The following PRELID2 variants were observed in gnomAD, a reference collection of about 807,000 sequenced individuals.
PRELID2 encodes PRELI domain-containing protein 2.
Under a neutral mutation model 28.4 loss-of-function variants are expected in PRELID2, and 25 were observed. That is an observed-to-expected ratio of 0.88 (90% CI 0.64 to 1.23). The LOEUF (loss-of-function observed/expected upper bound fraction) is 1.23, where lower values mean the gene tolerates loss of function less well. Among genes scored for constraint, PRELID2 ranks in the 50% most tolerant of loss-of-function variants. The probability of loss-of-function intolerance (pLI) is 0.00; values close to 1 mark genes in which losing one functional copy is unlikely to be tolerated. For missense variants in PRELID2, 201 were observed against 214.4 expected, an observed-to-expected ratio of 0.94 and a Z score of 0.39; for synonymous variants, 76 against 71.6, an observed-to-expected ratio of 1.06 and a Z score of -0.31.
rs986066486 is a variant in PRELID2 at position 145,530,214 on chromosome 5, A to C, written n.71-56899T>G. ...AGAATACATTTACAGTAGATAGAGA[A>C]CGCCATTCAATTTACTCAACAAGTA... On this transcript the variant is annotated intron_variant and non_coding_transcript_variant, in intron 1 of 2. Transcript: ENST00000510259. Among the ~76,000 whole-genome samples the C allele has an allele frequency of 4.6e-5, 7 of 152,144 alleles. 1 individual carries two copies. Among genetic ancestry groups the C allele is most frequent in the Admixed American group, 2.0e-4 (3 of 15,258 alleles).
At chr5:145,309,979 T>C in the PRELID2 span, among the ~76,000 whole-genome samples, 1 of 152,154 alleles carries the variant, frequency 6.6e-6, no homozygotes, top group Non-Finnish European at 1.5e-5. Context: ...TTAACCCCAA[T>C]GCCACAGGAA....
At chr5:145,519,848 T>A (rs2126648879) in intron 1 of PRELID2, among the ~76,000 whole-genome samples, 1 of 152,352 alleles carries the variant, frequency 6.6e-6, no homozygotes, top group Non-Finnish European at 1.5e-5. Flanking sequence ...GGTGCTAGGT[T>A]AGCCTCTGCC....
the PRELID2 span, among the ~76,000 whole-genome samples, chr5:145,357,055 G>A: frequency 6.6e-6 from 1 of 152,124 alleles, no homozygotes; most frequent in Non-Finnish European, 1.5e-5. Context: ...TAAGAATGTT[G>A]GATATAGGCC....
chr5:145,447,291 A>C, the PRELID2 span, among the ~76,000 whole-genome samples: 3 of 151,782 alleles, frequency 2.0e-5, no homozygotes, highest in Non-Finnish European at 4.4e-5. Context: ...AAGTGGTGAT[A>C]ATTCACCTGG....
chr5:145,382,432 T>C, the PRELID2 span, among the ~76,000 whole-genome samples: 67 of 152,136 alleles, frequency 4.4e-4, no homozygotes, highest in Middle Eastern at 0.014. Flanking sequence ...AAACATTTTA[T>C]AGTAAAATTT....
chr5:145,485,147 T>C (rs1221261986), intron 1 of PRELID2, among the ~76,000 whole-genome samples: 2 of 152,168 alleles, frequency 1.3e-5, no homozygotes, highest in African/African-American at 4.8e-5. Context: ...AACTAAAATA[T>C]AACAGAAAGC....
chr5:145,778,669 G>A (rs548936590), intron 5 of PRELID2, among the ~76,000 whole-genome samples: 96 of 152,334 alleles, frequency 6.3e-4, no homozygotes, highest in Admixed American at 1.9e-3. Context: ...GCAGCAGCTG[G>A]TGTGTCCAAC....
At chr5:145,372,804 G>A in the PRELID2 span, among the ~76,000 whole-genome samples, 1 of 148,060 alleles carries the variant, frequency 6.8e-6, no homozygotes, top group Non-Finnish European at 1.5e-5. Context: ...TAATTTGCCA[G>A]TCTGTACCTT....
intron 1 of PRELID2, among the ~76,000 whole-genome samples, chr5:145,610,771 C>G (rs1393343411): frequency 6.6e-6 from 1 of 151,968 alleles, no homozygotes; most frequent in Non-Finnish European, 1.5e-5. Flanking sequence ...TCAAAAGTGG[C>G]CAAATCAGAA....
At chr5:145,290,041 C>A in the PRELID2 span, among the ~76,000 whole-genome samples, 2 of 152,098 alleles carry the variant, frequency 1.3e-5, no homozygotes, top group East Asian at 3.9e-4. Context: ...AAATCAAAAC[C>A]ACAATGAGAT....
At chr5:145,707,599 G>T (rs887792883) in intron 1 of PRELID2, among the ~76,000 whole-genome samples, 1 of 152,032 alleles carries the variant, frequency 6.6e-6, no homozygotes, top group Non-Finnish European at 1.5e-5. Flanking sequence ...TCTCCTCTCT[G>T]ATTCAACTGG....
intron 1 of PRELID2, among the ~76,000 whole-genome samples, chr5:145,689,986 CTTT>C (rs749912789): frequency 6.1e-5 from 7 of 114,892 alleles, no homozygotes; most frequent in East Asian, 2.4e-4. Context: ...CTGTGGGGGT[CTTT>C]TTTTTTTTTT....
At chr5:145,370,678 G>A in the PRELID2 span, among the ~76,000 whole-genome samples, 10 of 152,080 alleles carry the variant, frequency 6.6e-5, no homozygotes, top group African/African-American at 2.4e-4. Flanking sequence ...GTAGTTTAAT[G>A]GGAATAGCAT....
the PRELID2 span, among the ~76,000 whole-genome samples, chr5:145,334,044 G>T: frequency 6.6e-6 from 1 of 152,046 alleles, no homozygotes; most frequent in African/African-American, 2.4e-5. Context: ...GAATTCCCTT[G>T]TCCTTCCTGG....
At chr5:145,683,816 G>A (rs1355342173) in intron 1 of PRELID2, among the ~76,000 whole-genome samples, 1 of 152,180 alleles carries the variant, frequency 6.6e-6, no homozygotes. Flanking sequence ...CAATCACAAA[G>A]GGGGCTGCTT....
At chr5:145,778,048 T>C (rs539132252) in intron 5 of PRELID2, among the ~76,000 whole-genome samples, 1 of 152,174 alleles carries the variant, frequency 6.6e-6, no homozygotes, top group South Asian at 2.1e-4. Flanking sequence ...GGGGCGGGGC[T>C]GCCAGTCCCA....
intron 1 of PRELID2, among the ~76,000 whole-genome samples, chr5:145,716,634 T>A (rs1355386555): frequency 6.6e-6 from 1 of 152,214 alleles, no homozygotes; most frequent in African/African-American, 2.4e-5. Context: ...TAAGAAGACA[T>A]AGTTTTCACA....
At chr5:145,803,438 CT>C (rs1753276833) in intron 4 of PRELID2, among the ~76,000 whole-genome samples, 1 of 151,988 alleles carries the variant, frequency 6.6e-6, no homozygotes, top group African/African-American at 2.4e-5. Context: ...ATATACATGC[CT>C]TTAAGACAGG....
At chr5:145,314,041 T>A in the PRELID2 span, among the ~76,000 whole-genome samples, 1 of 152,196 alleles carries the variant, frequency 6.6e-6, no homozygotes, top group Non-Finnish European at 1.5e-5. Context: ...CTATGAGACA[T>A]CGTACAGTTT....
Sources: allele counts gnomAD v4.1 joint callset (sites outside exome capture counted in the v4.1 genomes callset), GRCh38; gene constraint gnomAD v4.1.1; transcripts MANE v1.5; gene names NCBI Gene and HGNC (gene_info 2026-07-23, HGNC 2026-07-21).